DYM: variants seen among roughly 807,000 people sequenced by gnomAD.
DYM encodes the protein dyggve-Melchior-Clausen syndrome protein.
In DYM, 78 loss-of-function variants were observed where a neutral mutation model predicts 93.1. The observed-to-expected ratio is 0.84, with a 90% confidence interval of 0.70 to 1.01. DYM has a LOEUF of 1.01. DYM is among the 50% of genes least tolerant of loss of function. The probability of loss-of-function intolerance (pLI) is 0.00; values close to 1 mark genes in which losing one functional copy is unlikely to be tolerated. For synonymous variants in DYM, 321 were observed against 319.7 expected (o/e 1.00, Z -0.04); for missense variants, 789 against 845.0 (o/e 0.93, Z 0.82).
intron 13 of DYM, among the ~76,000 whole-genome samples, chr18:49,245,072 A>G (rs2094131663): frequency 1.3e-5 from 2 of 152,174 alleles, no homozygotes; most frequent in African/African-American, 4.8e-5. Flanking sequence ...GTCTCTGAAC[A>G]TAAATTGTGA....
intron 13 of DYM, among the ~76,000 whole-genome samples, chr18:49,254,633 C>G (rs932470907): frequency 6.6e-6 from 1 of 152,030 alleles, no homozygotes; most frequent in Non-Finnish European, 1.5e-5. Flanking sequence ...GCATTTTTCC[C>G]AACTAAAAAA....
At position 49,037,138 on chromosome 18, in the gene DYM, G is replaced by C. The variant is rs371727646; in HGVS notation, c.*6917C>G. 7.2e-5 allele frequency among the ~76,000 whole-genome samples: 11 copies of C among 152,254 alleles called. No individual in the cohort carries two copies. In the South Asian group the frequency reaches 2.3e-3, roughly 32 times the overall value. On this transcript the variant is annotated 3_prime_UTR_variant, in exon 18 of 18. Transcript: ENST00000675505. ...GCTGGTCTTGAACTCCTGACCTCAG[G>C]TGACTCCCAAAGTGCTGGGATTACA...
At chr18:49,338,712 A>G (rs1309825937) in intron 6 of DYM, among the ~76,000 whole-genome samples, 1 of 152,254 alleles carries the variant, frequency 6.6e-6, no homozygotes, top group Non-Finnish European at 1.5e-5. Context: ...CTTTTATTTC[A>G]TAATGACAGA....
intron 3 of DYM, among the ~76,000 whole-genome samples, chr18:49,382,109 T>C (rs1296104903): frequency 1.3e-5 from 2 of 152,188 alleles, no homozygotes; most frequent in Non-Finnish European, 2.9e-5. Flanking sequence ...GGCCTTGTAA[T>C]TGTTGAATGT....
chr18:49,179,405 A>G (rs548745555), intron 14 of DYM, among the ~76,000 whole-genome samples: 2 of 152,266 alleles, frequency 1.3e-5, no homozygotes, highest in African/African-American at 4.8e-5. Flanking sequence ...CACCTACTGT[A>G]AAGTTTCTTG....
At chr18:49,338,529 T>C (rs971319859) in intron 6 of DYM, among the ~76,000 whole-genome samples, 1 of 152,146 alleles carries the variant, frequency 6.6e-6, no homozygotes, top group Non-Finnish European at 1.5e-5. Flanking sequence ...ACAGCTGTAG[T>C]AAGAAAAACA....
At chr18:49,299,169 T>TA (rs1243537108) in intron 8 of DYM, among the ~76,000 whole-genome samples, 2 of 152,110 alleles carry the variant, frequency 1.3e-5, no homozygotes, top group African/African-American at 4.8e-5. Flanking sequence ...GAAAACTTTT[T>TA]AAAAAAATCT....
chr18:49,195,368 T>A (rs1419446181), intron 14 of DYM, among the ~76,000 whole-genome samples: 2 of 152,222 alleles, frequency 1.3e-5, no homozygotes, highest in Non-Finnish European at 2.9e-5. Context: ...AGGATAGCCA[T>A]CACCTCAAAT....
chr18:49,228,936 C>A (rs907311320), intron 13 of DYM, among the ~76,000 whole-genome samples: 2 of 152,090 alleles, frequency 1.3e-5, no homozygotes, highest in African/African-American at 4.8e-5. Context: ...TCTGAATAAA[C>A]AGTTATTAGT....
chr18:49,425,591 A>G (rs1163176838), intron 2 of DYM, among the ~76,000 whole-genome samples: 2 of 152,184 alleles, frequency 1.3e-5, no homozygotes, highest in Non-Finnish European at 2.9e-5. Flanking sequence ...AGAAACTACC[A>G]TCAGAGTGAA....
At chr18:49,305,135 A>T (rs1234428624) in intron 8 of DYM, among the ~76,000 whole-genome samples, 1 of 151,936 alleles carries the variant, frequency 6.6e-6, no homozygotes, top group Non-Finnish European at 1.5e-5. Flanking sequence ...TCCTCACCCA[A>T]CTAGGATTCT....
At chr18:49,389,303 T>C (rs1941138142) in intron 3 of DYM, among the ~76,000 whole-genome samples, 1 of 151,900 alleles carries the variant, frequency 6.6e-6, no homozygotes, top group South Asian at 2.1e-4. Context: ...GATTAAAATG[T>C]GTGTGTGTGT....
chr18:49,104,806 G>A (rs1424784677), intron 16 of DYM, among the ~76,000 whole-genome samples: 1 of 152,168 alleles, frequency 6.6e-6, no homozygotes, highest in East Asian at 1.9e-4. Context: ...GCTGGATTTG[G>A]TTTGCCAGTA....
At chr18:49,160,197 C>A (rs564748224) in intron 15 of DYM, among the ~76,000 whole-genome samples, 7 of 152,270 alleles carry the variant, frequency 4.6e-5, no homozygotes, top group Admixed American at 2.6e-4. Flanking sequence ...TCTCTCCCCC[C>A]ACAGGCTTGA....
chr18:49,252,874 C>A (rs748375160), intron 13 of DYM, among the ~76,000 whole-genome samples: 1 of 152,106 alleles, frequency 6.6e-6, no homozygotes, highest in Non-Finnish European at 1.5e-5. Flanking sequence ...AATTCAATAA[C>A]CTCATAATCC....
chr18:49,347,411 C>G (rs9956476), intron 6 of DYM, among the ~76,000 whole-genome samples: 30,856 of 152,036 alleles, frequency 0.2, 3,191 homozygotes, highest in East Asian at 0.27. Context: ...AACTGAACTT[C>G]TATTCATTAA....
At chr18:49,404,921 G>A (rs2071289212) in intron 2 of DYM, among the ~76,000 whole-genome samples, 2 of 150,908 alleles carry the variant, frequency 1.3e-5, no homozygotes, top group Admixed American at 6.6e-5. Flanking sequence ...GCTGAAGCAG[G>A]AGAACTGCTT....
rs546885353 is a variant in DYM at position 49,040,121 on chromosome 18, A to G, written c.*3934T>C. ...TGCACTACCCATGAGGGATAGTCCAATGACAGTAATGGAGGACCAACCCTC... is the reference window on the plus strand; with the variant it reads ...TGCACTACCCATGAGGGATAGTCCAGTGACAGTAATGGAGGACCAACCCTC... On this transcript the variant is annotated 3_prime_UTR_variant, in exon 18 of 18. Coordinates refer to ENST00000675505, the MANE Select transcript of DYM (RefSeq NM_001353214.3). 8 of 152,366 alleles carry G rather than the reference A, an allele frequency of 5.3e-5. No homozygotes were observed. Among genetic ancestry groups the G allele is most frequent in the African/African-American group, 1.9e-4 (8 of 41,584 alleles). 9.4% of individuals were successfully genotyped at this position (152,366 alleles called of 1,614,324 possible).
At chr18:49,370,094 C>T (rs1285795252) in intron 5 of DYM, among the ~76,000 whole-genome samples, 5 of 151,688 alleles carry the variant, frequency 3.3e-5, no homozygotes, top group Admixed American at 6.6e-5. Context: ...CTGGCCAACA[C>T]GGTGAAACCC....
Sources: allele counts gnomAD v4.1 joint callset (sites outside exome capture counted in the v4.1 genomes callset), GRCh38; gene constraint gnomAD v4.1.1; transcripts MANE v1.5; gene names NCBI Gene and HGNC (gene_info 2026-07-23, HGNC 2026-07-21).